The following PRKAG2 variants were observed in gnomAD, a reference collection of about 807,000 sequenced individuals.
PRKAG2 encodes protein kinase AMP-activated non-catalytic subunit gamma 2.
A neutral mutation model predicts 69.6 loss-of-function variants in PRKAG2; 26 were observed. The observed-to-expected ratio is 0.37, with a 90% CI of 0.27 to 0.52. The LOEUF (loss-of-function observed/expected upper bound fraction) is 0.52. Ranked by LOEUF, PRKAG2 falls within the 20% of genes least tolerant of loss-of-function variation. PRKAG2 has a pLI of 0.90. For synonymous variants in PRKAG2, 293 were observed against 285.0 expected, an observed-to-expected ratio of 1.03 and a Z score of -0.28; for missense variants, 557 against 740.0, an observed-to-expected ratio of 0.75 and a Z score of 2.87.
intron 1 of PRKAG2, among the ~76,000 whole-genome samples, chr7:151,821,546 G>A (rs566407450): frequency 5.9e-5 from 9 of 152,274 alleles, no homozygotes; most frequent in South Asian, 2.1e-4. Context: ...CCAAGCTGTC[G>A]TTTAGCATGC....
At chr7:151,803,108 C>T (rs1022821911) in intron 1 of PRKAG2, among the ~76,000 whole-genome samples, 1 of 151,936 alleles carries the variant, frequency 6.6e-6, no homozygotes, top group African/African-American at 2.4e-5. Flanking sequence ...CAGGTATGTA[C>T]CACCATGCCC....
At chr7:151,668,948 G>A (rs1053469065) in intron 4 of PRKAG2, among the ~76,000 whole-genome samples, 5 of 152,326 alleles carry the variant, frequency 3.3e-5, no homozygotes, top group South Asian at 4.1e-4. Flanking sequence ...TTGGAAAAGC[G>A]CTGATCATCC....
rs1040902972 is a variant in PRKAG2 at position 151,836,010 on chromosome 7, T to C, written c.114+40497A>G. On this transcript the variant is annotated intron_variant, in intron 1 of 15. Transcript: ENST00000287878. This position sits in a 1 kb window ranked among gnomAD's most constrained non-coding sequence, Gnocchi z 4.1. ...TGAGCTCCCTGTGAATGTATCTAAT[T>C]TGTGGGACTTGCAGGACCCAGGACC... 2.0e-5 allele frequency among the ~76,000 whole-genome samples: 3 copies of C among 152,178 alleles called. No individual in the cohort carries two copies. Among genetic ancestry groups the C allele is most frequent in the Admixed American group, 2.0e-4 (3 of 15,276 alleles).
At chr7:151,633,887 C>T (rs1478178144) in intron 4 of PRKAG2, among the ~76,000 whole-genome samples, 2 of 151,970 alleles carry the variant, frequency 1.3e-5, no homozygotes, top group Non-Finnish European at 1.5e-5. Context: ...TAAGCTTATT[C>T]TAAAATTTAT....
intron 4 of PRKAG2, among the ~76,000 whole-genome samples, chr7:151,641,160 A>G (rs73479898): frequency 0.033 from 5,017 of 151,508 alleles, 275 homozygotes; most frequent in African/African-American, 0.12. Flanking sequence ...GCAGTATGAG[A>G]TCCTGGCATG....
At chr7:151,714,154 G>T (rs1255595644) in intron 3 of PRKAG2, among the ~76,000 whole-genome samples, 3 of 152,128 alleles carry the variant, frequency 2.0e-5, no homozygotes, top group Non-Finnish European at 4.4e-5. Context: ...GCTTTACGGG[G>T]TTGTCATGGG....
intron 4 of PRKAG2, among the ~76,000 whole-genome samples, chr7:151,663,166 T>C (rs1254623069): frequency 6.6e-6 from 1 of 152,178 alleles, no homozygotes; most frequent in Non-Finnish European, 1.5e-5. Flanking sequence ...GTTTATGCTG[T>C]TTGTCTGTGC....
chr7:151,657,850 C>A (rs548752549), intron 4 of PRKAG2, among the ~76,000 whole-genome samples: 4 of 152,284 alleles, frequency 2.6e-5, no homozygotes, highest in Non-Finnish European at 5.9e-5. Flanking sequence ...GACACATAAA[C>A]AATATTGTGT....
chr7:151,595,300 C>A (rs1391412483), intron 6 of PRKAG2, 45 bp downstream of exon 6: 2 of 1,304,964 alleles, frequency 1.5e-6, no homozygotes, highest in Non-Finnish European at 2.1e-6. Flanking sequence ...AAGTAGTAGC[C>A]ATCCAAAAAA....
intron 3 of PRKAG2, among the ~76,000 whole-genome samples, chr7:151,751,266 TTTTA>T (rs34506041): frequency 6.7e-6 from 1 of 150,154 alleles, no homozygotes; most frequent in African/African-American, 2.4e-5. Context: ...CCAGGCTAAT[TTTTA>T]TTTATTTATT....
At chr7:151,845,833 A>G (rs921010828) in intron 1 of PRKAG2, among the ~76,000 whole-genome samples, 5 of 152,204 alleles carry the variant, frequency 3.3e-5, no homozygotes, top group African/African-American at 1.2e-4. Flanking sequence ...CGGAGCCACC[A>G]GGAATAATTC....
At chr7:151,842,422 A>G (rs1407154903) in intron 1 of PRKAG2, among the ~76,000 whole-genome samples, 1 of 110,186 alleles carries the variant, frequency 9.1e-6, no homozygotes, top group Non-Finnish European at 1.9e-5. Flanking sequence ...TAGTGATGGT[A>G]GGTGGGGATG....
chr7:151,869,105 A>C (rs1351439381), intron 1 of PRKAG2, among the ~76,000 whole-genome samples: 1 of 152,132 alleles, frequency 6.6e-6, no homozygotes, highest in African/African-American at 2.4e-5. Context: ...CAGTTCAAAG[A>C]AAAGAGGCAG....
At chr7:151,855,300 C>T (rs1247944834) in intron 1 of PRKAG2, among the ~76,000 whole-genome samples, 19 of 107,270 alleles carry the variant, frequency 1.8e-4, no homozygotes, top group South Asian at 7.0e-4. Context: ...CCACACACCA[C>T]CCTCCACACA....
At chr7:151,854,966 CCCTCCACACA>C (rs1249806947) in intron 1 of PRKAG2, among the ~76,000 whole-genome samples, 15 of 25,222 alleles carry the variant, frequency 5.9e-4, no homozygotes, top group African/African-American at 1.9e-3. Context: ...CCACATACCA[CCCTCCACACA>C]CACCATGCTC....
Position 151,629,023 on chromosome 7 carries a change from G to A in PRKAG2, c.754+3046C>T, listed in dbSNP as rs375293464. ...TGCCACCCCCTAAGGCACAGGCACA[G>A]TGAGGGAGACACAGAGCAGGGGGCT... On this transcript the variant is annotated intron_variant, in intron 5 of 15. Coordinates refer to ENST00000287878, the MANE Select transcript of PRKAG2 (RefSeq NM_016203.4). 7.0e-4 allele frequency among the ~76,000 whole-genome samples: 107 copies of A among 152,328 alleles called. 1 individual carries two copies. The Middle Eastern group carries it at 0.031, about 44-fold the overall frequency.
intron 5 of PRKAG2, among the ~76,000 whole-genome samples, chr7:151,616,472 T>C (rs1820174231): frequency 6.6e-6 from 1 of 152,222 alleles, no homozygotes; most frequent in Non-Finnish European, 1.5e-5. Flanking sequence ...GAGCAGCGTG[T>C]GGCAACTTGC....
In PRKAG2 at chr7:151,692,472, C is replaced by T. The variant is rs573692270; in HGVS notation, c.467-16835G>A. On this transcript the variant is annotated intron_variant, in intron 3 of 15. Transcript: ENST00000287878. ...GAGAAATTGACTATAAAAAGGGATG[C>T]GGAAATTTCTTTGGGTGTTGGAATT... Among the ~76,000 whole-genome samples, 12 of 152,164 alleles carry T rather than the reference C, an allele frequency of 7.9e-5. No homozygotes were observed. The South Asian group carries it at 8.3e-4, about 11-fold the overall frequency.
At chr7:151,742,269 G>A (rs2073945661) in intron 3 of PRKAG2, among the ~76,000 whole-genome samples, 1 of 152,182 alleles carries the variant, frequency 6.6e-6, no homozygotes, top group South Asian at 2.1e-4. Flanking sequence ...AAGGGATTTG[G>A]AAAAGAATTT....
Sources: gnomAD v4.1 joint callset for allele counts (sites outside exome capture counted in the v4.1 genomes callset) on GRCh38, gnomAD v4.1.1 for gene constraint, Gnocchi (gnomAD v3.1) non-coding constraint, MANE v1.5 for transcripts, NCBI Gene and HGNC (gene_info 2026-07-23, HGNC 2026-07-21) for gene names.